GPATCH2: variants seen among roughly 807,000 people sequenced by gnomAD.
The protein encoded by GPATCH2 is G-patch domain containing 2.
A neutral mutation model predicts 58.0 loss-of-function variants in GPATCH2; 51 were observed. The ratio of observed to expected loss-of-function variants is 0.88; its 90% CI spans 0.70 to 1.11. GPATCH2 has a LOEUF of 1.11. Among genes scored for constraint, GPATCH2 ranks in the 50% most tolerant of loss-of-function variants. The pLI is 0.00. For synonymous variants in GPATCH2, 222 were observed against 218.5 expected (o/e 1.02, Z -0.14); for missense variants, 625 against 652.2 (o/e 0.96, Z 0.45).
At chr1:217,583,299 G>C (rs548991846) in intron 5 of GPATCH2, among the ~76,000 whole-genome samples, 2 of 152,084 alleles carry the variant, frequency 1.3e-5, no homozygotes, top group South Asian at 4.2e-4. Context: ...GAGTCGGGCG[G>C]GGTGGCTCAT....
intron 5 of GPATCH2, among the ~76,000 whole-genome samples, chr1:217,593,722 C>G (rs915984106): frequency 6.6e-6 from 1 of 151,878 alleles, no homozygotes. Flanking sequence ...CAAAAATGTT[C>G]TCTAAAATTT....
In GPATCH2 at chr1:217,428,904, A is replaced by G. The variant is rs1159390789; in HGVS notation, c.*2241T>C. ...TTTAATGAAGAAGTTCCTATACACT[A>G]GTCTGGTGTATATACTGCTCTTCTT... On this transcript the variant is annotated 3_prime_UTR_variant, in exon 10 of 10. Transcript: ENST00000366935. The G allele has an allele frequency of 1.3e-5, 2 of 152,190 alleles. No homozygotes were observed. Among genetic ancestry groups the G allele is most frequent in the Non-Finnish European group, 2.9e-5 (2 of 68,032 alleles). 9.4% of individuals were successfully genotyped at this position (152,190 alleles called of 1,614,324 possible).
At chr1:217,513,974 G>A (rs540590769) in intron 6 of GPATCH2, among the ~76,000 whole-genome samples, 24 of 151,736 alleles carry the variant, frequency 1.6e-4, no homozygotes, top group African/African-American at 4.1e-4. Flanking sequence ...ACAGGCATGC[G>A]CCACCACGAC....
intron 8 of GPATCH2, among the ~76,000 whole-genome samples, chr1:217,466,708 G>A (rs1303464983): frequency 1.3e-5 from 2 of 151,944 alleles, no homozygotes; most frequent in Non-Finnish European, 2.9e-5. Flanking sequence ...TTACACAGAG[G>A]TAATAATAAA....
chr1:217,626,137 T>G (rs903913438), intron 1 of GPATCH2, among the ~76,000 whole-genome samples: 1 of 152,214 alleles, frequency 6.6e-6, no homozygotes, highest in Non-Finnish European at 1.5e-5. Context: ...TCTTCAAAGT[T>G]AAGTAATTTT....
chr1:217,441,647 G>C (rs1458500114), intron 9 of GPATCH2, among the ~76,000 whole-genome samples: 1 of 152,032 alleles, frequency 6.6e-6, no homozygotes, highest in East Asian at 1.9e-4. Flanking sequence ...AAATTTACAA[G>C]AAAAAGTCAA....
intron 8 of GPATCH2, among the ~76,000 whole-genome samples, chr1:217,462,334 C>T (rs1306561432): frequency 6.6e-6 from 1 of 152,116 alleles, no homozygotes; most frequent in Admixed American, 6.5e-5. Flanking sequence ...AATGATTCAA[C>T]AACGATCAGG....
At chr1:217,606,970 C>T (rs1043228893) in intron 5 of GPATCH2, among the ~76,000 whole-genome samples, 1 of 151,966 alleles carries the variant, frequency 6.6e-6, no homozygotes, top group Non-Finnish European at 1.5e-5. Flanking sequence ...TGGTATTAAA[C>T]AAAAGGAGGG....
At chr1:217,458,031 T>G (rs138126434) in intron 8 of GPATCH2, among the ~76,000 whole-genome samples, 3 of 152,046 alleles carry the variant, frequency 2.0e-5, no homozygotes, top group Admixed American at 6.6e-5. Flanking sequence ...ATAGAGAATA[T>G]CCTGGCTAAC....
intron 8 of GPATCH2, among the ~76,000 whole-genome samples, chr1:217,466,859 CAG>C (rs144299989): frequency 0.073 from 11,136 of 152,134 alleles, 546 homozygotes; most frequent in Middle Eastern, 0.14. Context: ...CTCTTAAAAA[CAG>C]GGAAACAAAA....
intron 5 of GPATCH2, among the ~76,000 whole-genome samples, chr1:217,601,530 T>C (rs1460213876): frequency 2.0e-5 from 3 of 152,112 alleles, no homozygotes; most frequent in Non-Finnish European, 4.4e-5. Context: ...TTTAAAAGCT[T>C]TGGGCAATCT....
In GPATCH2 at chr1:217,574,792, A is replaced by G. The variant is rs181143398; in HGVS notation, c.1098+35529T>C. 1.4e-3 allele frequency among the ~76,000 whole-genome samples: 220 copies of G among 152,330 alleles called. 2 individuals are homozygous for G. The highest frequency in any genetic ancestry group is 1.9e-3 in the Non-Finnish European group (127 of 68,028). On this transcript the variant is annotated intron_variant, in intron 5 of 9. Coordinates refer to ENST00000366935, the MANE Select transcript of GPATCH2 (RefSeq NM_018040.5). ...CAGTCAATAATAAGCGACAGGTCCA[A>G]CCGGATTTGAGTCCTGGTCTTTTTG...
At chr1:217,612,472 G>A (rs1237926250) in intron 3 of GPATCH2, among the ~76,000 whole-genome samples, 1 of 151,986 alleles carries the variant, frequency 6.6e-6, no homozygotes, top group African/African-American at 2.4e-5. Flanking sequence ...AGTCACAATG[G>A]AAAATTAAAG....
At chr1:217,527,478 ATT>A (rs5780985) in intron 5 of GPATCH2, among the ~76,000 whole-genome samples, 557 of 138,848 alleles carry the variant, frequency 4.0e-3, no homozygotes, top group South Asian at 0.014. Context: ...AATAACATCC[ATT>A]TTTTTTTTTT....
At chr1:217,480,058 T>G (rs1015887163) in intron 8 of GPATCH2, among the ~76,000 whole-genome samples, 2 of 152,030 alleles carry the variant, frequency 1.3e-5, no homozygotes, top group African/African-American at 2.4e-5. Flanking sequence ...AATACAATAA[T>G]AGCTGGAGAC....
At chr1:217,533,451 G>A (rs988217528) in intron 5 of GPATCH2, among the ~76,000 whole-genome samples, 4 of 152,172 alleles carry the variant, frequency 2.6e-5, no homozygotes, top group African/African-American at 9.7e-5. Flanking sequence ...TATGAAAACA[G>A]TTTTGCCCTT....
chr1:217,522,203 G>A (rs1364219131), intron 5 of GPATCH2, among the ~76,000 whole-genome samples: 7 of 151,872 alleles, frequency 4.6e-5, no homozygotes, highest in Admixed American at 3.9e-4. Context: ...AGAATTATTG[G>A]TCTATTAGAA....
At position 217,449,296 on chromosome 1, in the gene GPATCH2, A is replaced by C; in HGVS notation, c.1319T>G (p.Ile440Ser). 1 of 1,610,270 alleles carries C rather than the reference A, an allele frequency of 6.2e-7. No individual in the cohort carries two copies. The highest frequency in any genetic ancestry group is 8.5e-7 in the Non-Finnish European group (1 of 1,176,514). Residue 440 changes from isoleucine (I) to serine (S), a missense_variant, in exon 9 of 10, where the codon ATC (isoleucine) becomes AGC (serine). Physicochemically the swap from Ile to Ser is moderately radical, Grantham distance 142 (BLOSUM62 -2). Coordinates refer to ENST00000366935, the MANE Select transcript of GPATCH2 (RefSeq NM_018040.5). ...AGGTGCAGCTTTTCTTCTCCGTTTG[A>C]TATCTCCCGTGCATAAGGATCCTAA... ...MHLGSLCTGD[I>S]KRRRKAAPLP... is the part of the protein sequence containing the mutation.
chr1:217,454,180 C>T (rs1250246189), intron 8 of GPATCH2, among the ~76,000 whole-genome samples: 1 of 152,180 alleles, frequency 6.6e-6, no homozygotes, highest in Non-Finnish European at 1.5e-5. Context: ...TTAAACTGAA[C>T]AGACAGACAT....
Sources: gnomAD v4.1 joint callset for allele counts (sites outside exome capture counted in the v4.1 genomes callset) on GRCh38, gnomAD v4.1.1 for gene constraint, MANE v1.5 for transcripts, NCBI Gene and HGNC (gene_info 2026-07-23, HGNC 2026-07-21) for gene names.